Variants in SORCS2 observed in about 807,000 individuals in gnomAD.
SORCS2 encodes sortilin related VPS10 domain containing receptor 2.
Under a neutral mutation model 141.6 loss-of-function variants are expected in SORCS2, and 100 were observed. The observed-to-expected ratio is 0.71, with a 90% CI of 0.60 to 0.83. The LOEUF is 0.83. Ranked by LOEUF, SORCS2 falls within the 40% of genes least tolerant of loss-of-function variation. The pLI, the probability that SORCS2 is intolerant of heterozygous loss-of-function variation, is 0.00. For missense variants in SORCS2, 1,646 were observed against 1,560.2 expected (o/e 1.05, Z -0.93); for synonymous variants, 789 against 676.9 (o/e 1.17, Z -2.57).
chr4:7,330,880 C>T (rs543748825), intron 1 of SORCS2, among the ~76,000 whole-genome samples: 12 of 152,228 alleles, frequency 7.9e-5, no homozygotes, highest in Admixed American at 2.0e-4. Context: ...CGTGGACTCG[C>T]GGCCGCCATG....
At chr4:7,371,710 C>G (rs1722259675) in intron 1 of SORCS2, among the ~76,000 whole-genome samples, 1 of 152,202 alleles carries the variant, frequency 6.6e-6, no homozygotes, top group Non-Finnish European at 1.5e-5. Context: ...GCATAGCCAC[C>G]TACACACTGA....
intron 2 of SORCS2, among the ~76,000 whole-genome samples, chr4:7,444,253 G>C (rs879421794): frequency 1.3e-5 from 2 of 152,200 alleles, no homozygotes; most frequent in Non-Finnish European, 2.9e-5. Flanking sequence ...CTGTACTCTT[G>C]GAACTTATAT....
rs1410150527 is a variant in SORCS2, at chr4:7,718,088, C to T, written c.2329C>T (p.Leu777Phe). ...GAGTCAGGTGCAGCTGCAGTGCCCCCTCACGCCGCCCCGGGGCCTGCAGGT... is the reference window on the plus strand; with the variant it reads ...GAGTCAGGTGCAGCTGCAGTGCCCCTTCACGCCGCCCCGGGGCCTGCAGGT... ...QQSQVQLQCP[L>F]TPPRGLQVSI... Residue 777 changes from leucine to phenylalanine, a missense_variant, in exon 18 of 27, where the codon CTC (leucine) becomes TTC (phenylalanine). Leu to Phe is a conservative substitution (Grantham distance 22). Coordinates refer to ENST00000507866, the MANE Select transcript of SORCS2 (RefSeq NM_020777.3). The T allele has an allele frequency of 1.2e-6, 2 of 1,611,830 alleles. No individual in the cohort carries two copies. Among genetic ancestry groups the T allele is most frequent in the South Asian group, 1.1e-5 (1 of 90,644 alleles).
rs141822112 is a variant in SORCS2, at chr4:7,339,284, T to C, written c.481-57004T>C. 2.4e-3 allele frequency among the ~76,000 whole-genome samples: 363 copies of C among 152,256 alleles called. 1 individual carries two copies. The highest frequency in any genetic ancestry group is 8.3e-3 in the African/African-American group (344 of 41,516). ...GTGGGACAGGAGGCACCAGTATGAG[T>C]GACAAGACAGCTTGATCCAAGGATG... On this transcript the variant is annotated intron_variant, in intron 1 of 26. Transcript: ENST00000507866.
intron 2 of SORCS2, chr4:7,433,199 G>A (rs190241190): frequency 1.8e-6 from 2 of 1,135,950 alleles, no homozygotes; most frequent in Admixed American, 7.4e-5. Flanking sequence ...CTTCAGCTCT[G>A]CTCCTTCCCA....
At chr4:7,273,222 G>T (rs1715259568) in intron 1 of SORCS2, among the ~76,000 whole-genome samples, 1 of 152,214 alleles carries the variant, frequency 6.6e-6, no homozygotes, top group Non-Finnish European at 1.5e-5. Flanking sequence ...AAAATGAAGA[G>T]TAACTGGCAG....
chr4:7,597,727 A>G (rs140962561), intron 3 of SORCS2, among the ~76,000 whole-genome samples: 2 of 150,662 alleles, frequency 1.3e-5, no homozygotes, highest in African/African-American at 2.4e-5. Flanking sequence ...GGCTATTGCA[A>G]TGGAAGAGGG....
intron 2 of SORCS2, among the ~76,000 whole-genome samples, chr4:7,460,463 C>G (rs1189553053): frequency 4.6e-5 from 7 of 152,340 alleles, no homozygotes; most frequent in African/African-American, 1.4e-4. Context: ...GAGTTGCAGC[C>G]TCAGTGAATT....
At chr4:7,423,236 T>C (rs1310349499) in intron 2 of SORCS2, among the ~76,000 whole-genome samples, 1 of 152,176 alleles carries the variant, frequency 6.6e-6, no homozygotes, top group Non-Finnish European at 1.5e-5. Flanking sequence ...GCATTATTGC[T>C]GATGATATTA....
intron 1 of SORCS2, among the ~76,000 whole-genome samples, chr4:7,209,558 T>G (rs1343488123): frequency 1.3e-5 from 2 of 152,186 alleles, no homozygotes; most frequent in Non-Finnish European, 2.9e-5. Flanking sequence ...GCCTATCCCC[T>G]TCGTAGACTG....
At chr4:7,312,678 C>T (rs1303469667) in intron 1 of SORCS2, among the ~76,000 whole-genome samples, 1 of 152,122 alleles carries the variant, frequency 6.6e-6, no homozygotes, top group Non-Finnish European at 1.5e-5. Context: ...CTGTCCATTA[C>T]CTTGGGGTTA....
At chr4:7,722,090 T>C (rs1726624954) in intron 18 of SORCS2, among the ~76,000 whole-genome samples, 1 of 152,190 alleles carries the variant, frequency 6.6e-6, no homozygotes. Flanking sequence ...CCAACTGAAA[T>C]GTTTAAGAAG....
chr4:7,411,731 C>A (rs1263186113), intron 2 of SORCS2, among the ~76,000 whole-genome samples: 1 of 152,128 alleles, frequency 6.6e-6, no homozygotes, highest in African/African-American at 2.4e-5. Context: ...GACAAGGAAC[C>A]AATCCATGAC....
chr4:7,388,359 T>A (rs148733891), intron 1 of SORCS2, among the ~76,000 whole-genome samples: 7 of 152,138 alleles, frequency 4.6e-5, no homozygotes, highest in African/African-American at 1.7e-4. Flanking sequence ...TTTGGCCAGA[T>A]GAGAAAAGCC....
chr4:7,664,411 A>T lies in SORCS2; in HGVS notation c.1011A>T (p.Pro337=). 6.2e-7 allele frequency: 1 copy of T among 1,613,884 alleles called. No individual in the cohort carries two copies. The highest frequency in any genetic ancestry group is 2.2e-5 in the East Asian group (1 of 44,868). The change falls in exon 7 of 27, where the codon CCA becomes CCT. Residue 337 remains proline, a synonymous_variant. Coordinates refer to ENST00000507866, the MANE Select transcript of SORCS2 (RefSeq NM_020777.3). This position sits in a 1 kb window ranked among gnomAD's most constrained non-coding sequence, Gnocchi z 4.7. ...GCTCCGAGAAGATGCTGACAGCCCCATTCGCAGGCCCCATTGACCACGGGT... is the reference window on the plus strand; with the variant it reads ...GCTCCGAGAAGATGCTGACAGCCCCTTTCGCAGGCCCCATTGACCACGGGT... The part of the protein sequence containing the change: ...HNCSEKMLTA[P]FAGPIDHGSL...
At chr4:7,488,606 C>T (rs551342987) in intron 2 of SORCS2, among the ~76,000 whole-genome samples, 56 of 152,330 alleles carry the variant, frequency 3.7e-4, no homozygotes, top group African/African-American at 1.3e-3. Flanking sequence ...TCCCCAGGAC[C>T]TCCTTCCACT....
chr4:7,510,355 G>C (rs1577676430), intron 2 of SORCS2, among the ~76,000 whole-genome samples: 1 of 152,232 alleles, frequency 6.6e-6, no homozygotes, highest in Non-Finnish European at 1.5e-5. Flanking sequence ...TCCGTGTGGT[G>C]TCCTCCGAGC....
At chr4:7,383,027 T>C (rs1315982669) in intron 1 of SORCS2, among the ~76,000 whole-genome samples, 1 of 152,180 alleles carries the variant, frequency 6.6e-6, no homozygotes, top group East Asian at 1.9e-4. Flanking sequence ...TTCTGATATT[T>C]TTTAATGGAG....
In SORCS2 at chr4:7,511,579, G is replaced by C. The variant is rs73099730; in HGVS notation, c.549-19951G>C. Among the ~76,000 whole-genome samples, 1,128 of 152,248 alleles carry C rather than the reference G, an allele frequency of 7.4e-3. 20 individuals carry two copies. Among genetic ancestry groups the C allele is most frequent in the African/African-American group, 0.025 (1,028 of 41,532 alleles). Reference sequence around the variant, plus strand: ...GGGTTGAAGAGAGAGTGAGCCTGGGGTGGGGGCAGAGAGATGGACGCTGGG... The same window carrying C: ...GGGTTGAAGAGAGAGTGAGCCTGGGCTGGGGGCAGAGAGATGGACGCTGGG... On this transcript the variant is annotated intron_variant, in intron 2 of 26. Transcript: ENST00000507866.
Sources: allele counts gnomAD v4.1 joint callset (sites outside exome capture counted in the v4.1 genomes callset), GRCh38; gene constraint gnomAD v4.1.1; non-coding constraint Gnocchi (gnomAD v3.1); transcripts MANE v1.5; gene names NCBI Gene and HGNC (gene_info 2026-07-23, HGNC 2026-07-21).